Variants in RETREG1 observed in about 807,000 individuals in gnomAD.
RETREG1 encodes reticulophagy regulator 1, also known as family with sequence similarity 134 member B.
Under a neutral mutation model 54.8 loss-of-function variants are expected in RETREG1, and 44 were observed. The ratio of observed to expected loss-of-function variants is 0.80; its 90% CI spans 0.63 to 1.03. RETREG1 has a LOEUF of 1.03. Among genes scored for constraint, RETREG1 ranks in the 50% least tolerant of loss-of-function variants. The pLI is 0.00. For missense variants in RETREG1, 554 were observed against 605.1 expected, an observed-to-expected ratio of 0.92 and a Z score of 0.89; for synonymous variants, 217 against 238.5, an observed-to-expected ratio of 0.91 and a Z score of 0.83.
chr5:16,583,051 A>C (rs1054538908), intron 1 of RETREG1, among the ~76,000 whole-genome samples: 3 of 152,188 alleles, frequency 2.0e-5, no homozygotes, highest in Admixed American at 2.0e-4. Flanking sequence ...GCAATGCAGG[A>C]GGTCACAGCA....
rs1742481238 is a variant in RETREG1 at position 16,581,561 on chromosome 5, ACAC to A, written c.321-9462_321-9460del. Among the ~76,000 whole-genome samples the A allele has an allele frequency of 2.1e-5, 3 of 143,790 alleles. No homozygotes were observed. The South Asian group carries it at 6.6e-4, about 32-fold the overall frequency. 94.3% of individuals were successfully genotyped at this position (143,790 alleles called of 152,430 possible). On this transcript the variant is annotated intron_variant, in intron 1 of 8. Transcript: ENST00000306320. ...CACACACACACACACACACACACAC[ACAC>A]AAAACACACACACAGGACCACTGGC...
At chr5:16,541,973 G>A (rs1741265551) in intron 3 of RETREG1, among the ~76,000 whole-genome samples, 1 of 152,182 alleles carries the variant, frequency 6.6e-6, no homozygotes, top group Non-Finnish European at 1.5e-5. Context: ...GCTGTGTTCA[G>A]GGGCCACTAT....
chr5:16,614,337 T>C (rs974121976), intron 1 of RETREG1, among the ~76,000 whole-genome samples: 1 of 152,212 alleles, frequency 6.6e-6, no homozygotes, highest in African/African-American at 2.4e-5. Context: ...AAAAGAACAC[T>C]GGCCTACTTG....
intron 1 of RETREG1, among the ~76,000 whole-genome samples, chr5:16,580,880 C>T (rs256878): frequency 6.6e-6 from 1 of 152,120 alleles, no homozygotes; most frequent in African/African-American, 2.4e-5. Flanking sequence ...ACAAATGGGG[C>T]ATCCCCAAGA....
intron 1 of RETREG1, among the ~76,000 whole-genome samples, chr5:16,610,741 A>C (rs1428751663): frequency 1.3e-5 from 2 of 152,216 alleles, no homozygotes; most frequent in Non-Finnish European, 2.9e-5. Flanking sequence ...GCGATAATTA[A>C]AAAGTCAGGA....
At chr5:16,492,253 C>CACACACA (rs201203055) in intron 3 of RETREG1, among the ~76,000 whole-genome samples, 3 of 140,126 alleles carry the variant, frequency 2.1e-5, no homozygotes, top group Admixed American at 7.0e-5. Context: ...ACACACACAC[C>CACACACA]ATTCTTGTTA....
chr5:16,584,206 G>A (rs900732617), intron 1 of RETREG1, among the ~76,000 whole-genome samples: 1 of 152,074 alleles, frequency 6.6e-6, no homozygotes, highest in Non-Finnish European at 1.5e-5. Context: ...CCAGTGATGG[G>A]TGCACCAAAA....
intron 3 of RETREG1, among the ~76,000 whole-genome samples, chr5:16,531,924 G>A (rs566122166): frequency 2.0e-5 from 3 of 152,316 alleles, no homozygotes; most frequent in African/African-American, 7.2e-5. Context: ...AGTATGAGTT[G>A]GGAGAGCATC....
intron 3 of RETREG1, chr5:16,508,845 T>C: frequency 7.1e-7 from 1 of 1,412,904 alleles, no homozygotes; most frequent in Non-Finnish European, 9.2e-7. Flanking sequence ...AGGAGCTGGG[T>C]TATTATCACT....
chr5:16,486,588 G>A (rs553782136), intron 3 of RETREG1, among the ~76,000 whole-genome samples: 8 of 152,334 alleles, frequency 5.3e-5, no homozygotes, highest in African/African-American at 1.9e-4. Flanking sequence ...GTATGAGGCA[G>A]AGCCAAGACC....
At chr5:16,505,150 G>A (rs1739898622) in intron 3 of RETREG1, among the ~76,000 whole-genome samples, 1 of 152,110 alleles carries the variant, frequency 6.6e-6, no homozygotes, top group African/African-American at 2.4e-5. Context: ...GGAGTCCAGC[G>A]ATCACAAAAG....
chr5:16,577,881 T>G (rs1441135032), intron 1 of RETREG1, among the ~76,000 whole-genome samples: 2 of 152,226 alleles, frequency 1.3e-5, no homozygotes, highest in Non-Finnish European at 2.9e-5. Flanking sequence ...GTCTTTCACC[T>G]TCCACCATGA....
rs192797179 is a variant in RETREG1, at chr5:16,597,401, C to T, written c.320+19251G>A. On this transcript the variant is annotated intron_variant, in intron 1 of 8. Transcript: ENST00000306320. This position sits in a 1 kb window ranked among gnomAD's most constrained non-coding sequence, Gnocchi z 4.3. ...CTTATTCACTGATTTGTCACTGTAC[C>T]TTCATCATTAAATCCAAAAGCATCA... Among the ~76,000 whole-genome samples the T allele has an allele frequency of 2.0e-5, 3 of 152,320 alleles. No individual in the cohort carries two copies. The East Asian group carries it at 5.8e-4, about 29-fold the overall frequency.
chr5:16,525,399 C>T lies in RETREG1; in HGVS notation c.458+40364G>A, dbSNP rs140704608. ...CCCCTTTCTCCCTTCCCCCCCGCCA[C>T]GAAAGTGCAGCTGACCTCATGTGAG... On this transcript the variant is annotated intron_variant, in intron 3 of 8. Coordinates refer to ENST00000306320, the MANE Select transcript of RETREG1 (RefSeq NM_001034850.3). 6.6e-5 allele frequency among the ~76,000 whole-genome samples: 10 copies of T among 152,242 alleles called. No individual in the cohort carries two copies. In the South Asian group the frequency reaches 1.0e-3, roughly 16 times the overall value.
chr5:16,539,633 C>T (rs1045133708), intron 3 of RETREG1, among the ~76,000 whole-genome samples: 3 of 152,190 alleles, frequency 2.0e-5, no homozygotes, highest in African/African-American at 7.2e-5. Context: ...CCTCCCAGTC[C>T]TTTCCAATCA....
At chr5:16,490,162 T>C (rs1739188551) in intron 3 of RETREG1, among the ~76,000 whole-genome samples, 1 of 152,052 alleles carries the variant, frequency 6.6e-6, no homozygotes, top group South Asian at 2.1e-4. Flanking sequence ...GTTTGAGTTC[T>C]TGGGTCCTGT....
intron 3 of RETREG1, among the ~76,000 whole-genome samples, chr5:16,512,882 A>T (rs1740223009): frequency 6.6e-6 from 1 of 152,114 alleles, no homozygotes; most frequent in East Asian, 1.9e-4. Flanking sequence ...TCCAGGTGCC[A>T]GAAACGGGAT....
At chr5:16,564,775 T>G (rs958992641) in intron 3 of RETREG1, among the ~76,000 whole-genome samples, 21 of 152,314 alleles carry the variant, frequency 1.4e-4, no homozygotes, top group African/African-American at 5.1e-4. Context: ...CATGAAAATC[T>G]GGGATTTGAA....
chr5:16,607,933 G>A (rs1743240702), intron 1 of RETREG1, among the ~76,000 whole-genome samples: 1 of 151,656 alleles, frequency 6.6e-6, no homozygotes, highest in Admixed American at 6.6e-5. Context: ...AGGCTGGAGT[G>A]GGGTGGCGTG....
Sources: allele counts gnomAD v4.1 joint callset (sites outside exome capture counted in the v4.1 genomes callset), GRCh38; gene constraint gnomAD v4.1.1; non-coding constraint Gnocchi (gnomAD v3.1); transcripts MANE v1.5; gene names NCBI Gene and HGNC (gene_info 2026-07-23, HGNC 2026-07-21).